TCF12: variants seen among roughly 807,000 people sequenced by gnomAD.
TCF12 encodes the protein DNA-binding protein HTF4.
In TCF12, 45 loss-of-function variants were observed where a neutral mutation model predicts 86.0. That is an observed-to-expected ratio of 0.52 (90% CI 0.41 to 0.67). The LOEUF (loss-of-function observed/expected upper bound fraction) is 0.67. Among genes scored for constraint, TCF12 ranks in the 30% least tolerant of loss-of-function variants. The pLI is 0.00. For synonymous variants in TCF12, 330 were observed against 299.6 expected (o/e 1.10, Z -1.05); for missense variants, 881 against 859.9 (o/e 1.02, Z -0.31).
chr15:57,145,433 T>C (rs1372569434), intron 5 of TCF12, among the ~76,000 whole-genome samples: 2 of 152,116 alleles, frequency 1.3e-5, no homozygotes, highest in African/African-American at 4.8e-5. Context: ...ATCAGGGGAT[T>C]GGTGAGTGTG....
At chr15:56,991,753 T>C (rs1274188480) in intron 3 of TCF12, among the ~76,000 whole-genome samples, 3 of 152,166 alleles carry the variant, frequency 2.0e-5, no homozygotes, top group Non-Finnish European at 2.9e-5. Context: ...CCAAATACTC[T>C]TCTGTCAGAA....
intron 3 of TCF12, among the ~76,000 whole-genome samples, chr15:56,966,426 C>T (rs1183850633): frequency 6.6e-6 from 1 of 152,004 alleles, no homozygotes; most frequent in Non-Finnish European, 1.5e-5. Flanking sequence ...AAAAATGGAC[C>T]CCCTAAGATT....
chr15:56,936,655 A>G (rs1240829823), intron 3 of TCF12, among the ~76,000 whole-genome samples: 9 of 152,304 alleles, frequency 5.9e-5, no homozygotes, highest in African/African-American at 2.2e-4. Context: ...TGATTTTTGT[A>G]TAAGGTATGA....
intron 3 of TCF12, among the ~76,000 whole-genome samples, chr15:56,930,949 A>G (rs2060219330): frequency 6.6e-6 from 1 of 152,100 alleles, no homozygotes. Context: ...ATATATACCT[A>G]TATACTATGT....
chr15:56,921,081 G>A lies in TCF12; in HGVS notation c.131G>A (p.Ser44Asn). Reference sequence around the variant, plus strand: ...ACTAGACCAACTACACTGGGAAGCAGTCAATTCAGTGGATCAGGTAAGATG... The same window carrying A: ...ACTAGACCAACTACACTGGGAAGCAATCAATTCAGTGGATCAGGTAAGATG... ...GKTRPTTLGS[S>N]QFSGSGIDER... The change falls in exon 3 of 21, where the codon AGT (serine) becomes AAT (asparagine). Residue 44 changes from serine (S) to asparagine (N), a missense_variant. Ser to Asn is a conservative substitution (Grantham distance 46). Transcript: ENST00000333725. 6.2e-7 allele frequency: 1 copy of A among 1,608,584 alleles called. No individual in the cohort carries two copies. Among genetic ancestry groups the A allele is most frequent in the Non-Finnish European group, 8.5e-7 (1 of 1,177,026 alleles).
chr15:57,153,823 A>T (rs911569773), intron 5 of TCF12, among the ~76,000 whole-genome samples: 2 of 151,894 alleles, frequency 1.3e-5, no homozygotes, highest in South Asian at 4.1e-4. Context: ...GGAGTTCCAG[A>T]CCAGCTGGGG....
At chr15:57,180,806 ATTTTTTTTTTTTTT>A (rs34557385) in intron 6 of TCF12, among the ~76,000 whole-genome samples, 2 of 82,122 alleles carry the variant, frequency 2.4e-5, no homozygotes, top group Non-Finnish European at 4.3e-5. Flanking sequence ...GATGCTAATA[ATTTTTTTTTTTTTT>A]TTTTTTTTTT....
chr15:57,221,710 C>T (rs1346066877), intron 8 of TCF12, among the ~76,000 whole-genome samples: 1 of 151,970 alleles, frequency 6.6e-6, no homozygotes, highest in Non-Finnish European at 1.5e-5. Flanking sequence ...TGGCTTAGTC[C>T]TCCAAATCAT....
chr15:57,189,075 T>C (rs1401763257), intron 6 of TCF12, among the ~76,000 whole-genome samples: 1 of 152,152 alleles, frequency 6.6e-6, no homozygotes, highest in African/African-American at 2.4e-5. Flanking sequence ...AGGCGTGAGC[T>C]GCCACGCCTA....
At chr15:57,134,133 T>A (rs1015234356) in intron 5 of TCF12, among the ~76,000 whole-genome samples, 2 of 152,208 alleles carry the variant, frequency 1.3e-5, no homozygotes, top group Admixed American at 6.5e-5. Flanking sequence ...ATTCTATAGT[T>A]ATATTGGGCG....
intron 3 of TCF12, among the ~76,000 whole-genome samples, chr15:57,020,067 C>G (rs528293276): frequency 6.6e-6 from 1 of 152,336 alleles, no homozygotes; most frequent in East Asian, 1.9e-4. Flanking sequence ...CTAGACTTCT[C>G]TCTCACTGTC....
chr15:57,250,382 G>A (rs138749640), intron 13 of TCF12, among the ~76,000 whole-genome samples: 1 of 152,256 alleles, frequency 6.6e-6, no homozygotes, highest in Non-Finnish European at 1.5e-5. Flanking sequence ...GTTCATAATA[G>A]CCGAGTGGTA....
intron 3 of TCF12, among the ~76,000 whole-genome samples, chr15:57,054,358 T>A (rs1189633022): frequency 1.3e-5 from 2 of 152,264 alleles, no homozygotes; most frequent in Non-Finnish European, 2.9e-5. Context: ...TGGTACTGAC[T>A]TATGATCCTA....
At chr15:57,101,065 G>A (rs1231159746) in intron 5 of TCF12, among the ~76,000 whole-genome samples, 1 of 151,928 alleles carries the variant, frequency 6.6e-6, no homozygotes, top group East Asian at 1.9e-4. Context: ...CCACATCTCA[G>A]CTTCTTTTTC....
intron 3 of TCF12, among the ~76,000 whole-genome samples, chr15:56,960,456 G>A (rs571877773): frequency 3.3e-4 from 47 of 143,278 alleles, no homozygotes; most frequent in Non-Finnish European, 6.6e-4. Flanking sequence ...TTGAGATGGA[G>A]TCTCACTCTG....
chr15:57,180,118 C>T (rs896123688), intron 6 of TCF12, among the ~76,000 whole-genome samples: 4 of 151,920 alleles, frequency 2.6e-5, no homozygotes, highest in Admixed American at 6.6e-5. Context: ...TTACAAATGG[C>T]GATATTTTCC....
rs149474677 is a variant in TCF12 at position 56,934,468 on chromosome 15, G to T, written c.148+13370G>T. Among the ~76,000 whole-genome samples the T allele has an allele frequency of 6.4e-4, 97 of 152,290 alleles. 1 individual carries two copies. Among genetic ancestry groups the T allele is most frequent in the African/African-American group, 2.3e-3 (96 of 41,562 alleles). On this transcript the variant is annotated intron_variant, in intron 3 of 20. Coordinates refer to ENST00000333725, the MANE Select transcript of TCF12 (RefSeq NM_207037.2). ...GCTTATGCTTGAAGGAAGAAAGTCT[G>T]ACTTAGTCATATCCATGAATGACAG...
At chr15:57,280,531 T>G (rs903319827) in intron 19 of TCF12, among the ~76,000 whole-genome samples, 9 of 152,228 alleles carry the variant, frequency 5.9e-5, no homozygotes, top group African/African-American at 2.2e-4. Flanking sequence ...GGATGTGAAC[T>G]GTAAATGTGT....
intron 8 of TCF12, among the ~76,000 whole-genome samples, chr15:57,200,666 C>T (rs2057496413): frequency 6.6e-6 from 1 of 152,140 alleles, no homozygotes; most frequent in African/African-American, 2.4e-5. Flanking sequence ...GGCAGGGTTA[C>T]TTAGCATGCA....
Sources: gnomAD v4.1 joint callset for allele counts (sites outside exome capture counted in the v4.1 genomes callset) on GRCh38, gnomAD v4.1.1 for gene constraint, MANE v1.5 for transcripts, NCBI Gene and HGNC (gene_info 2026-07-23, HGNC 2026-07-21) for gene names.